The following RYR3 variants were observed in gnomAD, a reference collection of about 807,000 sequenced individuals.
The protein encoded by RYR3 is brain ryanodine receptor-calcium release channel.
In RYR3, 207 loss-of-function variants were observed where a neutral mutation model predicts 584.3. The ratio of observed to expected loss-of-function variants is 0.35; its 90% CI spans 0.32 to 0.40. The LOEUF is 0.40. Among genes scored for constraint, RYR3 ranks in the 10% least tolerant of loss-of-function variants. The pLI is 1.00. For missense variants in RYR3, 5,616 were observed against 6,089.2 expected (o/e 0.92, Z 2.59); for synonymous variants, 2,416 against 2,248.5 (o/e 1.07, Z -2.11).
intron 60 of RYR3, among the ~76,000 whole-genome samples, chr15:33,763,880 G>A (rs1339121230): frequency 1.9e-4 from 19 of 98,436 alleles, no homozygotes; most frequent in African/African-American, 9.6e-4. Flanking sequence ...GTGACAGAGC[G>A]AGACTTCATC....
intron 16 of RYR3, among the ~76,000 whole-genome samples, chr15:33,592,352 T>C (rs2152535687): frequency 6.6e-6 from 1 of 152,302 alleles, no homozygotes; most frequent in South Asian, 2.1e-4. Context: ...GGAGTGGGAC[T>C]TGGGGCTAAG....
intron 14 of RYR3, among the ~76,000 whole-genome samples, chr15:33,582,584 A>G (rs1020779383): frequency 6.6e-6 from 1 of 152,214 alleles, no homozygotes; most frequent in African/African-American, 2.4e-5. Context: ...TTTGAACTCC[A>G]GAGCAACACT....
intron 1 of RYR3, among the ~76,000 whole-genome samples, chr15:33,468,347 G>A (rs916180136): frequency 1.3e-5 from 2 of 152,142 alleles, no homozygotes; most frequent in East Asian, 3.8e-4. Flanking sequence ...TTGTTGTGAA[G>A]GCTAATTTAA....
chr15:33,809,374 C>A (rs1031691304), intron 70 of RYR3, among the ~76,000 whole-genome samples: 11 of 152,172 alleles, frequency 7.2e-5, no homozygotes, highest in African/African-American at 2.7e-4. Context: ...ATTCTGGCTA[C>A]CCAGCCCTCC....
chr15:33,578,922 G>T (rs1567582725), intron 12 of RYR3, among the ~76,000 whole-genome samples: 1 of 152,132 alleles, frequency 6.6e-6, no homozygotes, highest in African/African-American at 2.4e-5. Context: ...AGGCTCCCAG[G>T]TGTACTCCTC....
intron 51 of RYR3, among the ~76,000 whole-genome samples, chr15:33,741,646 C>T (rs1439546494): frequency 6.6e-6 from 1 of 152,062 alleles, no homozygotes; most frequent in African/African-American, 2.4e-5. Flanking sequence ...TGGAGTCTTA[C>T]TCTGTCACCC....
chr15:33,597,831 CAA>C (rs34933584), intron 16 of RYR3, among the ~76,000 whole-genome samples: 1 of 150,906 alleles, frequency 6.6e-6, no homozygotes, highest in African/African-American at 2.4e-5. Context: ...TCTGTACACA[CAA>C]AAAAATACAT....
chr15:33,374,167 AT>A (rs1007466850), intron 1 of RYR3, among the ~76,000 whole-genome samples: 1 of 152,202 alleles, frequency 6.6e-6, no homozygotes, highest in African/African-American at 2.4e-5. Flanking sequence ...TAACAAAAAA[AT>A]GTTTTTAAAG....
intron 38 of RYR3, among the ~76,000 whole-genome samples, chr15:33,692,202 T>C (rs958369670): frequency 1.1e-4 from 17 of 152,242 alleles, no homozygotes; most frequent in African/African-American, 4.1e-4. Flanking sequence ...TGGTATGTTT[T>C]GGCTGCTCTG....
chr15:33,345,761 A>G (rs969616475), intron 1 of RYR3, among the ~76,000 whole-genome samples: 14 of 152,212 alleles, frequency 9.2e-5, no homozygotes, highest in African/African-American at 3.4e-4. Flanking sequence ...AGTTTTTAAT[A>G]TGGAAAATTT....
At chr15:33,463,250 C>T (rs1231784235) in intron 1 of RYR3, among the ~76,000 whole-genome samples, 2 of 152,076 alleles carry the variant, frequency 1.3e-5, no homozygotes, top group Non-Finnish European at 2.9e-5. Flanking sequence ...CCCTTGCTAC[C>T]TCTGAGGTTA....
At chr15:33,456,837 C>A (rs1277339391) in intron 1 of RYR3, among the ~76,000 whole-genome samples, 1 of 152,100 alleles carries the variant, frequency 6.6e-6, no homozygotes, top group Non-Finnish European at 1.5e-5. Context: ...AAAATAGGGG[C>A]CATTCTATAT....
intron 57 of RYR3, among the ~76,000 whole-genome samples, chr15:33,753,713 T>C (rs2071544261): frequency 1.3e-5 from 2 of 152,300 alleles, no homozygotes; most frequent in East Asian, 3.9e-4. Context: ...GCAAGACTTA[T>C]TTGCCGTGTT....
chr15:33,863,817 G>T (rs1889419896), intron 102 of RYR3, among the ~76,000 whole-genome samples: 1 of 152,082 alleles, frequency 6.6e-6, no homozygotes. Flanking sequence ...AAGAATTTGG[G>T]CTACCATTTT....
At chr15:33,574,186 A>G (rs1164470302) in intron 12 of RYR3, among the ~76,000 whole-genome samples, 1 of 152,200 alleles carries the variant, frequency 6.6e-6, no homozygotes, top group Non-Finnish European at 1.5e-5. Context: ...TTGCTGCCTC[A>G]GCGAGCTACA....
intron 2 of RYR3, among the ~76,000 whole-genome samples, chr15:33,481,560 A>T (rs1446209575): frequency 1.3e-5 from 2 of 152,030 alleles, no homozygotes. Flanking sequence ...AGCTCACTGC[A>T]ACCTCTGCCT....
intron 1 of RYR3, among the ~76,000 whole-genome samples, chr15:33,358,552 C>T (rs989890387): frequency 7.4e-4 from 112 of 151,664 alleles, no homozygotes; most frequent in Non-Finnish European, 1.5e-4. Flanking sequence ...GGCCATGAGT[C>T]AGCCCAGGAC....
chr15:33,751,715 G>T (rs1177168639), intron 57 of RYR3, among the ~76,000 whole-genome samples: 1 of 152,012 alleles, frequency 6.6e-6, no homozygotes, highest in East Asian at 1.9e-4. Flanking sequence ...CTTTTGCTAT[G>T]CAGAAGCTCT....
At chr15:33,354,171 G>A (rs902176146) in intron 1 of RYR3, among the ~76,000 whole-genome samples, 7 of 152,182 alleles carry the variant, frequency 4.6e-5, no homozygotes, top group African/African-American at 1.7e-4. Context: ...TCAGATACAG[G>A]TGGCATCTAT....
Sources: gnomAD v4.1 joint callset for allele counts (sites outside exome capture counted in the v4.1 genomes callset) on GRCh38, gnomAD v4.1.1 for gene constraint, MANE v1.5 for transcripts, NCBI Gene and HGNC (gene_info 2026-07-23, HGNC 2026-07-21) for gene names.